The following POLR1H variants were observed in gnomAD, a reference collection of about 807,000 sequenced individuals.
POLR1H encodes the protein DNA-directed RNA polymerase I subunit RPA12.
POLR1H carries 5 observed loss-of-function variants against 15.8 expected under a neutral mutation model. The observed-to-expected ratio is 0.32, with a 90% CI of 0.17 to 0.67. The LOEUF (loss-of-function observed/expected upper bound fraction) is 0.67, where lower values mean the gene tolerates loss of function less well. Ranked by LOEUF, POLR1H falls within the 30% of genes least tolerant of loss-of-function variation. POLR1H has a pLI of 0.74. For missense variants in POLR1H, 100 were observed against 163.4 expected (o/e 0.61, Z 2.11); for synonymous variants, 43 against 58.3 (o/e 0.74, Z 1.20).
chr6:30,061,583 G>C lies in POLR1H; in HGVS notation c.59G>C (p.Cys20Ser), dbSNP rs763455660. The C allele has an allele frequency of 6.2e-7, 1 of 1,613,090 alleles. No individual in the cohort carries two copies. Among genetic ancestry groups the C allele is most frequent in the Non-Finnish European group, 8.5e-7 (1 of 1,180,044 alleles). ...AGCTTTCAGTCGGACCTGGATTTCT[G>C]TTCAGATTGCGGCTCGGTCCTGCCT... is the stretch of plus-strand genomic sequence containing the variant. ...CSSFQSDLDFCSDCGSVLPLP... is the reference protein window; with the variant it reads ...CSSFQSDLDFSSDCGSVLPLP... The change falls in exon 1 of 4, where the codon TGT becomes TCT. Residue 20 changes from cysteine (C) to serine (S), a missense_variant. Physicochemically the swap from Cys to Ser is moderately radical, Grantham distance 112 (BLOSUM62 -1). Around this residue, in one of 2 missense-constraint regions of POLR1H, gnomAD observed 87 missense variants for 119.8 expected, o/e 0.73. Coordinates refer to ENST00000332435, the MANE Select transcript of POLR1H (RefSeq NM_170783.4). This position sits in a 1 kb window ranked among gnomAD's most constrained non-coding sequence, Gnocchi z 5.0.
At chr6:30,062,082 C>G in intron 2 of POLR1H, 65 bp downstream of exon 2, 7 of 1,526,836 alleles carry the variant, frequency 4.6e-6, no homozygotes, top group Non-Finnish European at 6.4e-6. Flanking sequence ...GGAGTGATTG[C>G]AAAGCTCTGG....
chr6:30,062,416 C>A, intron 3 of POLR1H, 83 bp downstream of exon 3: 3 of 914,986 alleles, frequency 3.3e-6, no homozygotes, highest in Non-Finnish European at 5.3e-6. Flanking sequence ...ACGAAATGGC[C>A]GTTTCCCTTG....
Position 30,061,367 on chromosome 6 carries a change from G to A in POLR1H, c.-158G>A, listed in dbSNP as rs534826087. The A allele has an allele frequency of 1.2e-3, 943 of 766,182 alleles. 3 individuals are homozygous for A. The highest frequency in any genetic ancestry group is 3.9e-3 in the Middle Eastern group (10 of 2,554). The allele number at this position is 766,182 out of a possible 1,614,324, so 47.5% of individuals were successfully genotyped here. On this transcript the variant is annotated 5_prime_UTR_variant, in exon 1 of 4. Coordinates refer to ENST00000332435, the MANE Select transcript of POLR1H (RefSeq NM_170783.4). This position sits in a 1 kb window ranked among gnomAD's most constrained non-coding sequence, Gnocchi z 5.0. ...CCGACGCTGTCTGGGAATTCCGGGC[G>A]TTTCGGCTCCTTGGTCGCAGAGGCA...
At chr6:30,060,734 G>A (rs1582343718), upstream of POLR1H, 1 of 152,296 alleles carries the variant, frequency 6.6e-6, no homozygotes, top group East Asian at 1.9e-4. Context: ...TCAAAAAGCC[G>A]ACTCACCCCT....
Position 30,061,353 on chromosome 6 carries a change from T to C in POLR1H, c.-172T>C. 2.9e-6 allele frequency: 2 copies of C among 684,584 alleles called. No individual in the cohort carries two copies. Among genetic ancestry groups the C allele is most frequent in the Non-Finnish European group, 4.8e-6 (2 of 415,226 alleles). 42.4% of individuals were successfully genotyped at this position (684,584 alleles called of 1,614,324 possible). On this transcript the variant is annotated 5_prime_UTR_variant, in exon 1 of 4. Transcript: ENST00000332435. This position sits in a 1 kb window ranked among gnomAD's most constrained non-coding sequence, Gnocchi z 5.0. ...AAGTCCTTTAGTACCCGACGCTGTC[T>C]GGGAATTCCGGGCGTTTCGGCTCCT...
chr6:30,061,712 T>A lies in POLR1H; in HGVS notation c.145+43T>A. On this transcript the variant is annotated intron_variant, in intron 1 of 3. Coordinates refer to ENST00000332435, the MANE Select transcript of POLR1H (RefSeq NM_170783.4). This position sits in a 1 kb window ranked among gnomAD's most constrained non-coding sequence, Gnocchi z 5.0. ...AGGGGTCCTGGCGGAGGGCGCAGGGTCGGAAGCTTGGGGAACTCAAGATCG... is the reference window on the plus strand; with the variant it reads ...AGGGGTCCTGGCGGAGGGCGCAGGGACGGAAGCTTGGGGAACTCAAGATCG... 1 of 1,610,194 alleles carries A rather than the reference T, an allele frequency of 6.2e-7. No individual in the cohort carries two copies.
chr6:30,062,119 GA>G lies in POLR1H; in HGVS notation c.247-101del. ...GAGTTTTGTGCCCAATTCCAAGAGGGAAAAGAGATGTAAACCATCGACGTTT... is the reference window on the plus strand; with the variant it reads ...GAGTTTTGTGCCCAATTCCAAGAGGGAAAGAGATGTAAACCATCGACGTTT... On this transcript the variant is annotated intron_variant, in intron 2 of 3. Coordinates refer to ENST00000332435, the MANE Select transcript of POLR1H (RefSeq NM_170783.4). 4.1e-6 allele frequency: 6 copies of G among 1,450,034 alleles called. No individual in the cohort carries two copies. In the South Asian group the frequency reaches 6.8e-5, roughly 17 times the overall value. The allele number at this position is 1,450,034 out of a possible 1,614,324, so 89.8% of individuals were successfully genotyped here.
At chr6:30,060,693 TCGGG>T (rs1468667771), upstream of POLR1H, 7 of 152,266 alleles carry the variant, frequency 4.6e-5, no homozygotes, top group African/African-American at 1.7e-4. Context: ...TAAGCATTCC[TCGGG>T]CCTTCACTCT....
In POLR1H at chr6:30,061,797, G is replaced by A; in HGVS notation, c.146-120G>A. The A allele has an allele frequency of 3.9e-6, 6 of 1,553,408 alleles. 1 individual carries two copies. Among genetic ancestry groups the A allele is most frequent in the South Asian group, 2.3e-5 (2 of 85,700 alleles). ...CAGGCGGTTGTACATTTGGTCTAGCGATGAAAACTGAGGGAAAGGATGTAG... is the reference window on the plus strand; with the variant it reads ...CAGGCGGTTGTACATTTGGTCTAGCAATGAAAACTGAGGGAAAGGATGTAG... On this transcript the variant is annotated intron_variant, in intron 1 of 3. Coordinates refer to ENST00000332435, the MANE Select transcript of POLR1H (RefSeq NM_170783.4). This position sits in a 1 kb window ranked among gnomAD's most constrained non-coding sequence, Gnocchi z 5.0.
At chr6:30,061,030 A>C (rs7769930), upstream of POLR1H, 22,664 of 153,862 alleles carry the variant, frequency 0.15, 2,242 homozygotes, top group African/African-American at 0.27. The surrounding 1 kb of genome is among the most constrained non-coding windows in gnomAD (Gnocchi z 5.0). Context: ...TAAATATCCC[A>C]GGATTGGGTG....
At chr6:30,062,390 T>TG in intron 3 of POLR1H, 57 bp downstream of exon 3, 1 of 1,248,496 alleles carries the variant, frequency 8.0e-7, no homozygotes, top group Non-Finnish European at 1.2e-6. Flanking sequence ...ACAAATCCAG[T>TG]GATTTATTTT....
In POLR1H at chr6:30,063,211, C is replaced by G. The variant is rs1481999671; in HGVS notation, c.356+878C>G. Among the ~76,000 whole-genome samples the G allele has an allele frequency of 1.3e-5, 2 of 151,912 alleles. No homozygotes were observed. Among genetic ancestry groups the G allele is most frequent in the African/African-American group, 4.8e-5 (2 of 41,356 alleles). Reference sequence around the variant, plus strand: ...TCATCTCTTTTAATATTCTCTTTCCCCCATGTTCTCAGTCCTCACATTCTG... The same window carrying G: ...TCATCTCTTTTAATATTCTCTTTCCGCCATGTTCTCAGTCCTCACATTCTG... On this transcript the variant is annotated intron_variant, in intron 3 of 3. Transcript: ENST00000332435. This position sits in a 1 kb window ranked among gnomAD's most constrained non-coding sequence, Gnocchi z 4.1.
Position 30,061,473 on chromosome 6 carries a change from C to T in POLR1H, c.-52C>T. Reference sequence around the variant, plus strand: ...ATAGTTACGACCTCTGGGACAGGAACTCTTCTCTCTTTTGTTAATAAACTT... The same window carrying T: ...ATAGTTACGACCTCTGGGACAGGAATTCTTCTCTCTTTTGTTAATAAACTT... On this transcript the variant is annotated 5_prime_UTR_variant, in exon 1 of 4. Transcript: ENST00000332435. This position sits in a 1 kb window ranked among gnomAD's most constrained non-coding sequence, Gnocchi z 5.0. The T allele has an allele frequency of 6.3e-7, 1 of 1,599,886 alleles. No homozygotes were observed. Among genetic ancestry groups the T allele is most frequent in the Non-Finnish European group, 8.5e-7 (1 of 1,170,818 alleles).
At chr6:30,064,327 AT>A (rs1197347560) in intron 3 of POLR1H, among the ~76,000 whole-genome samples, 2 of 150,308 alleles carry the variant, frequency 1.3e-5, no homozygotes, top group African/African-American at 2.4e-5. Flanking sequence ...TAAAAAGAAG[AT>A]TTTTTTTCCC....
At chr6:30,062,543 ATTTTTTTTTTTT>A (rs9278553) in intron 3 of POLR1H, among the ~76,000 whole-genome samples, 3 of 64,990 alleles carry the variant, frequency 4.6e-5, no homozygotes, top group Admixed American at 2.2e-4. Context: ...ACCTTTTAGG[ATTTTTTTTTTTT>A]TTTTTTTTTT....
Position 30,061,695 on chromosome 6 carries a change from T to G in POLR1H, c.145+26T>G. 6.2e-7 allele frequency: 1 copy of G among 1,612,014 alleles called. No homozygotes were observed. Among genetic ancestry groups the G allele is most frequent in the South Asian group, 1.1e-5 (1 of 91,070 alleles). On this transcript the variant is annotated intron_variant, in intron 1 of 3. Transcript: ENST00000332435. The surrounding 1 kb of genome is among the most constrained non-coding windows in gnomAD (Gnocchi z 5.0). Reference sequence around the variant, plus strand: ...GTGAGAGGCTTGTACGCAGGGGTCCTGGCGGAGGGCGCAGGGTCGGAAGCT... The same window carrying G: ...GTGAGAGGCTTGTACGCAGGGGTCCGGGCGGAGGGCGCAGGGTCGGAAGCT...
chr6:30,061,464 G>C lies in POLR1H; in HGVS notation c.-61G>C. The C allele has an allele frequency of 6.3e-7, 1 of 1,586,238 alleles. No individual in the cohort carries two copies. Among genetic ancestry groups the C allele is most frequent in the South Asian group, 1.1e-5 (1 of 88,568 alleles). ...TGGGACAGAATAGTTACGACCTCTGGGACAGGAACTCTTCTCTCTTTTGTT... is the reference window on the plus strand; with the variant it reads ...TGGGACAGAATAGTTACGACCTCTGCGACAGGAACTCTTCTCTCTTTTGTT... On this transcript the variant is annotated 5_prime_UTR_variant, in exon 1 of 4. Transcript: ENST00000332435. This position sits in a 1 kb window ranked among gnomAD's most constrained non-coding sequence, Gnocchi z 5.0.
Position 30,063,665 on chromosome 6 carries a change from T to C in POLR1H, c.357-1008T>C, listed in dbSNP as rs1328190672. On this transcript the variant is annotated intron_variant, in intron 3 of 3. Transcript: ENST00000332435. The surrounding 1 kb of genome is among the most constrained non-coding windows in gnomAD (Gnocchi z 4.1). ...GCTTTTTTTCTTTGTTTTGTGATTT[T>C]TGACTATAAATTCGAGTTTTTTAGA... Among the ~76,000 whole-genome samples, 1 of 152,184 alleles carries C rather than the reference T, an allele frequency of 6.6e-6. No individual in the cohort carries two copies. Among genetic ancestry groups the C allele is most frequent in the African/African-American group, 2.4e-5 (1 of 41,462 alleles).
At position 30,064,744 on chromosome 6, in the gene POLR1H, G is replaced by A; in HGVS notation, c.*47G>A. Reference sequence around the variant, plus strand: ...CAGTCCCTCCCTCCTTTCGGAAGGTGAAGGATACTGGGTTTTTAGATGCCT... The same window carrying A: ...CAGTCCCTCCCTCCTTTCGGAAGGTAAAGGATACTGGGTTTTTAGATGCCT... On this transcript the variant is annotated 3_prime_UTR_variant, in exon 4 of 4. Transcript: ENST00000332435. 6.3e-7 allele frequency: 1 copy of A among 1,580,806 alleles called. No homozygotes were observed. The highest frequency in any genetic ancestry group is 1.4e-5 in the African/African-American group (1 of 73,552).
Sources: gnomAD v4.1 joint callset for allele counts (sites outside exome capture counted in the v4.1 genomes callset) on GRCh38, gnomAD v4.1.1 for gene constraint, gnomAD v4.1.1 regional missense constraint, Gnocchi (gnomAD v3.1) non-coding constraint, MANE v1.5 for transcripts, NCBI Gene and HGNC (gene_info 2026-07-23, HGNC 2026-07-21) for gene names.